The following ORC4 variants were observed in gnomAD, a reference collection of about 807,000 sequenced individuals.
ORC4 encodes the protein origin recognition complex subunit 4.
ORC4 carries 55 observed loss-of-function variants against 63.9 expected under a neutral mutation model. The ratio of observed to expected loss-of-function variants is 0.86; its 90% CI spans 0.69 to 1.08. ORC4 has a LOEUF of 1.08. ORC4 is among the 50% of genes least tolerant of loss of function. ORC4 has a pLI of 0.00. For synonymous variants in ORC4, 150 were observed against 168.5 expected, an observed-to-expected ratio of 0.89 and a Z score of 0.85; for missense variants, 511 against 504.4, an observed-to-expected ratio of 1.01 and a Z score of -0.13.
At chr2:147,960,161 G>A (rs1689507611) in intron 4 of ORC4, 2 of 605,378 alleles carry the variant, frequency 3.3e-6, no homozygotes, top group Non-Finnish European at 4.1e-6. Context: ...AAAGGAATGG[G>A]GATTTTAATA....
chr2:147,955,389 A>C lies in ORC4; in HGVS notation c.394T>G (p.Phe132Val). ...NVVGDKVFGS[F>V]AENLSFLLEA... ...AGAAGAAATGAAAGGTTTTCAGCAAAGCTTCCCTGAACAACAAAATGAGAT... is the reference window on the plus strand; with the variant it reads ...AGAAGAAATGAAAGGTTTTCAGCAACGCTTCCCTGAACAACAAAATGAGAT... The change falls in exon 7 of 14, where the codon TTT becomes GTT. Residue 132 changes from phenylalanine to valine, a missense_variant. Physicochemically the swap from Phe to Val is conservative, Grantham distance 50 (BLOSUM62 -1). Transcript: ENST00000392857. 6.2e-7 allele frequency: 1 copy of C among 1,603,886 alleles called. No homozygotes were observed. Among genetic ancestry groups the C allele is most frequent in the Non-Finnish European group, 8.5e-7 (1 of 1,171,902 alleles).
intron 1 of ORC4, among the ~76,000 whole-genome samples, chr2:147,988,136 A>G (rs1041921255): frequency 1.3e-5 from 2 of 152,058 alleles, no homozygotes; most frequent in East Asian, 3.8e-4. Flanking sequence ...AAACTTAACT[A>G]ATATTTAATA....
chr2:148,015,859 A>G (rs538823679), intron 1 of ORC4, among the ~76,000 whole-genome samples: 109 of 152,308 alleles, frequency 7.2e-4, no homozygotes, highest in African/African-American at 2.5e-3. Flanking sequence ...ATGAACGTAC[A>G]GTGCAGTGGT....
chr2:147,933,792 T>A lies in ORC4; in HGVS notation c.*1718A>T, dbSNP rs1296045830. 6.6e-6 allele frequency: 1 copy of A among 152,136 alleles called. No individual in the cohort carries two copies. Among genetic ancestry groups the A allele is most frequent in the Admixed American group, 6.6e-5 (1 of 15,232 alleles). 9.4% of individuals were successfully genotyped at this position (152,136 alleles called of 1,614,324 possible). Reference sequence around the variant, plus strand: ...CCATGTCAAGTATTTTGGTGAAATATCCCCTAAAAATGTGTAGACTACGGC... The same window carrying A: ...CCATGTCAAGTATTTTGGTGAAATAACCCCTAAAAATGTGTAGACTACGGC... On this transcript the variant is annotated 3_prime_UTR_variant, in exon 14 of 14. Transcript: ENST00000392857.
chr2:147,998,827 A>G (rs1350964897), intron 1 of ORC4, among the ~76,000 whole-genome samples: 4 of 152,206 alleles, frequency 2.6e-5, no homozygotes, highest in African/African-American at 9.6e-5. Context: ...ATGGGAGAAT[A>G]TAAGATAAAG....
Position 147,933,686 on chromosome 2 carries a change from A to G in ORC4, c.*1824T>C, listed in dbSNP as rs1207230033. The G allele has an allele frequency of 2.0e-5, 3 of 152,106 alleles. No homozygotes were observed. In the East Asian group the frequency reaches 5.8e-4, roughly 29 times the overall value. The allele number at this position is 152,106 out of a possible 1,614,324, so 9.4% of individuals were successfully genotyped here. A position where few individuals can be genotyped will look rare whatever the true frequency, so the allele number is the denominator to read the frequency against. Reference sequence around the variant, plus strand: ...CTTTAAGACAAATAATACTTTCCTCAAATAGTTCAGAAAATTTTTAAAAGG... The same window carrying G: ...CTTTAAGACAAATAATACTTTCCTCGAATAGTTCAGAAAATTTTTAAAAGG... On this transcript the variant is annotated 3_prime_UTR_variant, in exon 14 of 14. Coordinates refer to ENST00000392857, the MANE Select transcript of ORC4 (RefSeq NM_181741.4).
chr2:148,004,186 A>G (rs1390357310), intron 1 of ORC4, among the ~76,000 whole-genome samples: 4 of 152,232 alleles, frequency 2.6e-5, no homozygotes, highest in African/African-American at 4.8e-5. Flanking sequence ...CACACCGCCC[A>G]AAGTAATTTA....
chr2:148,005,682 A>C (rs1038747123), intron 1 of ORC4, among the ~76,000 whole-genome samples: 4 of 146,094 alleles, frequency 2.7e-5, no homozygotes, highest in African/African-American at 1.0e-4. Flanking sequence ...AAAAAAAAAC[A>C]ACCTTCATAA....
Position 147,935,805 on chromosome 2 carries a change from A to C in ORC4, c.1123-107T>G, listed in dbSNP as rs113371708. The C allele has an allele frequency of 1.2e-4, 101 of 845,558 alleles. No homozygotes were observed. In the African/African-American group the frequency reaches 1.5e-3, roughly 13 times the overall value. The allele number at this position is 845,558 out of a possible 1,614,324, so 52.4% of individuals were successfully genotyped here. A position where few individuals can be genotyped will look rare whatever the true frequency, so the allele number is the denominator to read the frequency against. ...ATTTTGGTCAGCTGCAGAACAGAGT[A>C]CTGGGAAGCAAAATGTAACAACAAT... is the stretch of plus-strand genomic sequence containing the variant. On this transcript the variant is annotated intron_variant, in intron 13 of 13. Transcript: ENST00000392857.
At chr2:147,953,906 T>TTA (rs1402924355) in intron 7 of ORC4, among the ~76,000 whole-genome samples, 1 of 152,086 alleles carries the variant, frequency 6.6e-6, no homozygotes, top group Non-Finnish European at 1.5e-5. Context: ...TACTCAAAAG[T>TTA]CTAGAAAGAG....
chr2:147,967,586 A>C (rs1256606010), intron 4 of ORC4, among the ~76,000 whole-genome samples: 1 of 152,016 alleles, frequency 6.6e-6, no homozygotes, highest in African/African-American at 2.4e-5. Context: ...AATTCAATTA[A>C]GGAGGTGAAA....
In ORC4 at chr2:147,955,348, T is replaced by A. The variant is rs756542154; in HGVS notation, c.435A>T (p.Lys145Asn). The A allele has an allele frequency of 6.3e-7, 1 of 1,589,420 alleles. No individual in the cohort carries two copies. The highest frequency in any genetic ancestry group is 1.1e-5 in the South Asian group (1 of 89,862). The change falls in exon 7 of 14, where the codon AAA becomes AAT. Residue 145 changes from lysine (K) to asparagine (N), a missense_variant and splice_region_variant. Physicochemically the swap from Lys to Asn is moderately conservative, Grantham distance 94. Transcript: ENST00000392857. ...NLSFLLEALK[K>N]GDRTSSCPVI... ...ACGGCTGAATATGTTAATATTTACCTTTTTTTAAAGCTTCCAGAAGAAATG... is the reference window on the plus strand; with the variant it reads ...ACGGCTGAATATGTTAATATTTACCATTTTTTAAAGCTTCCAGAAGAAATG...
chr2:147,982,959 A>C (rs1690976242), intron 1 of ORC4, among the ~76,000 whole-genome samples: 1 of 152,236 alleles, frequency 6.6e-6, no homozygotes, highest in South Asian at 2.1e-4. Context: ...TGCAGGTGGC[A>C]AATAAGCATA....
At chr2:147,989,473 A>T (rs1410111760) in intron 1 of ORC4, among the ~76,000 whole-genome samples, 2 of 152,146 alleles carry the variant, frequency 1.3e-5, no homozygotes, top group Admixed American at 1.3e-4. Context: ...TGGGAGACTG[A>T]GGTGGGCAGA....
At chr2:147,946,173 T>TTAA (rs1354529557) in intron 9 of ORC4, among the ~76,000 whole-genome samples, 3 of 151,994 alleles carry the variant, frequency 2.0e-5, no homozygotes, top group South Asian at 4.1e-4. Flanking sequence ...TCCTCTTTAT[T>TTAA]TATAGACTCA....
chr2:148,010,267 G>C (rs1333987541), intron 1 of ORC4, among the ~76,000 whole-genome samples: 1 of 151,770 alleles, frequency 6.6e-6, no homozygotes. Context: ...AAACAACCTA[G>C]TAATGCATCT....
At chr2:147,997,050 T>C (rs538025250) in intron 1 of ORC4, among the ~76,000 whole-genome samples, 1 of 152,074 alleles carries the variant, frequency 6.6e-6, no homozygotes, top group Non-Finnish European at 1.5e-5. Context: ...GGTACATCCA[T>C]ACAATGGAAT....
chr2:147,961,210 T>C (rs936185081), intron 4 of ORC4, among the ~76,000 whole-genome samples: 3 of 151,860 alleles, frequency 2.0e-5, no homozygotes, highest in Non-Finnish European at 2.9e-5. Context: ...AAGGCCAAGG[T>C]GGGTGGATCA....
At chr2:147,940,579 A>G (rs1384810474) in intron 10 of ORC4, among the ~76,000 whole-genome samples, 1 of 152,036 alleles carries the variant, frequency 6.6e-6, no homozygotes, top group Non-Finnish European at 1.5e-5. Context: ...GTATATATAT[A>G]CTATGGATAT....
Sources: allele counts gnomAD v4.1 joint callset (sites outside exome capture counted in the v4.1 genomes callset), GRCh38; gene constraint gnomAD v4.1.1; transcripts MANE v1.5; gene names NCBI Gene and HGNC (gene_info 2026-07-23, HGNC 2026-07-21).